Variants in BRSK2 observed in about 807,000 individuals in gnomAD.
BRSK2 encodes BR serine/threonine kinase 2, also known as serine/threonine-protein kinase BRSK2.
Under a neutral mutation model 83.3 loss-of-function variants are expected in BRSK2, and 19 were observed. The ratio of observed to expected loss-of-function variants is 0.23; its 90% CI spans 0.16 to 0.33. The LOEUF is 0.33. Ranked by LOEUF, BRSK2 falls within the 10% of genes least tolerant of loss-of-function variation. BRSK2 has a pLI of 1.00. For missense variants in BRSK2, 798 were observed against 1,042.3 expected (o/e 0.77, Z 3.23); for synonymous variants, 519 against 435.4 (o/e 1.19, Z -2.39).
intron 1 of BRSK2, among the ~76,000 whole-genome samples, chr11:1,399,328 G>A (rs1163452294): frequency 6.6e-6 from 1 of 152,096 alleles, no homozygotes. Flanking sequence ...TGCTCTTGCT[G>A]GGACTGAGCC....
At position 1,456,540 on chromosome 11, in the gene BRSK2, C is replaced by T. The variant is rs756009941; in HGVS notation, c.1849+12C>T. ...CACCCTGCTCTCAGGTGAGCTGGCG[C>T]CCCCAGGGCGGCTCCGGGCCCAGGC... On this transcript the variant is annotated intron_variant, in intron 17 of 19. Transcript: ENST00000528841. 5 of 1,590,922 alleles carry T rather than the reference C, an allele frequency of 3.1e-6. No individual in the cohort carries two copies. The highest frequency in any genetic ancestry group is 8.6e-7 in the Non-Finnish European group (1 of 1,168,948).
In BRSK2 at chr11:1,443,582, T is replaced by A. The variant is rs775335543; in HGVS notation, c.727T>A (p.Cys243Ser). The A allele has an allele frequency of 6.2e-7, 1 of 1,610,446 alleles. No individual in the cohort carries two copies. The highest frequency in any genetic ancestry group is 8.5e-7 in the Non-Finnish European group (1 of 1,178,822). Residue 243 changes from cysteine to serine, a missense_variant, in exon 8 of 20, where the codon TGC becomes AGC. Cys to Ser is a moderately radical substitution (Grantham distance 112). Coordinates refer to ENST00000528841, the MANE Select transcript of BRSK2 (RefSeq NM_001256627.2). The part of the protein sequence containing the change: ...FHMPHFIPPD[C>S]QSLLRGMIEV... ...CATGCCGCACTTTATCCCGCCCGAC[T>A]GCCAGAGTCTGCTACGGGGCATGAT... is the stretch of plus-strand genomic sequence containing the variant.
chr11:1,459,107 C>A, intron 18 of BRSK2, 85 bp from the exon 19 acceptor site: 1 of 1,383,484 alleles, frequency 7.2e-7, no homozygotes, highest in Non-Finnish European at 1.0e-6. Flanking sequence ...CACCCCCTCC[C>A]CATCGAGGCT....
chr11:1,407,146 C>T (rs115425103), intron 1 of BRSK2, among the ~76,000 whole-genome samples: 1,909 of 152,262 alleles, frequency 0.013, 41 homozygotes, highest in African/African-American at 0.044. Context: ...GAGGGAGCTG[C>T]AGGCCCTGGA....
rs1235480779 is a variant in BRSK2, at chr11:1,451,434, C to T, written c.1544+15C>T. On this transcript the variant is annotated intron_variant, in intron 15 of 19. Transcript: ENST00000528841. ...TCGTCCCCAGAGTAAGTGGCCCCTGCTGGAGGCCTCCTGGTACCTGACACC... is the reference window on the plus strand; with the variant it reads ...TCGTCCCCAGAGTAAGTGGCCCCTGTTGGAGGCCTCCTGGTACCTGACACC... 1 of 1,612,218 alleles carries T rather than the reference C, an allele frequency of 6.2e-7. No individual in the cohort carries two copies. Among genetic ancestry groups the T allele is most frequent in the East Asian group, 2.2e-5 (1 of 44,874 alleles).
chr11:1,408,861 C>T (rs1462929088), intron 1 of BRSK2, among the ~76,000 whole-genome samples: 1 of 144,134 alleles, frequency 6.9e-6, no homozygotes, highest in East Asian at 2.0e-4. Flanking sequence ...GTGTGCATAT[C>T]TGCCTGTACA....
In BRSK2 at chr11:1,443,619, C is replaced by T; in HGVS notation, c.764C>T (p.Ala255Val). Residue 255 changes from alanine (A) to valine (V), a missense_variant, in exon 8 of 20, where the codon GCC (alanine) becomes GTC (valine). By Grantham distance (64) the Ala-to-Val change is moderately conservative. Around this residue, in one of 6 missense-constraint regions of BRSK2, gnomAD observed 145 missense variants for 225.4 expected, o/e 0.64. Transcript: ENST00000528841. Reference protein sequence around the residue: ...SLLRGMIEVDAARRLTLEHIQ... With the variant: ...SLLRGMIEVDVARRLTLEHIQ... The stretch of plus-strand genomic sequence containing the variant: ...CTACGGGGCATGATCGAGGTGGACG[C>T]CGCACGCCGCCTCACGGTGCGTGCC... The T allele has an allele frequency of 2.5e-6, 4 of 1,601,944 alleles. No individual in the cohort carries two copies. Among genetic ancestry groups the T allele is most frequent in the Non-Finnish European group, 3.4e-6 (4 of 1,174,328 alleles).
At chr11:1,419,156 G>T (rs1214819322) in intron 1 of BRSK2, among the ~76,000 whole-genome samples, 1 of 146,268 alleles carries the variant, frequency 6.8e-6, no homozygotes, top group African/African-American at 2.5e-5. Flanking sequence ...GGCGGGGGGG[G>T]CCTTTGCTCA....
chr11:1,400,736 T>C, intron 1 of BRSK2, among the ~76,000 whole-genome samples: 1 of 152,156 alleles, frequency 6.6e-6, no homozygotes, highest in East Asian at 1.9e-4. Flanking sequence ...GGGCAGGTAG[T>C]GGAGGACCTG....
chr11:1,392,614 G>A (rs1226107158), intron 1 of BRSK2, among the ~76,000 whole-genome samples: 2 of 152,200 alleles, frequency 1.3e-5, no homozygotes, highest in South Asian at 4.1e-4. Flanking sequence ...CCTGCTGGAC[G>A]GTGGGCCAAA....
chr11:1,407,636 A>C (rs1846982993), intron 1 of BRSK2, among the ~76,000 whole-genome samples: 1 of 152,220 alleles, frequency 6.6e-6, no homozygotes, highest in Non-Finnish European at 1.5e-5. Context: ...CGCAGCCCCT[A>C]AACTAGGACA....
chr11:1,433,927 C>T (rs1849925487), intron 1 of BRSK2, among the ~76,000 whole-genome samples: 1 of 152,248 alleles, frequency 6.6e-6, no homozygotes. Context: ...GTCCTGGGTC[C>T]CCCACCCGGC....
At position 1,454,342 on chromosome 11, in the gene BRSK2, G is replaced by C. The variant is rs965518932; in HGVS notation, c.1545-143G>C. 3.0e-6 allele frequency: 3 copies of C among 986,180 alleles called. No individual in the cohort carries two copies. The highest frequency in any genetic ancestry group is 3.2e-4 in the Middle Eastern group (1 of 3,100). 61.1% of individuals were successfully genotyped at this position (986,180 alleles called of 1,614,324 possible). A position where few individuals can be genotyped will look rare whatever the true frequency, so the allele number is the denominator to read the frequency against. On this transcript the variant is annotated intron_variant, in intron 15 of 19. Coordinates refer to ENST00000528841, the MANE Select transcript of BRSK2 (RefSeq NM_001256627.2). The surrounding 1 kb of genome is among the most constrained non-coding windows in gnomAD (Gnocchi z 5.2). ...TTAGGGCGTTGGGGTCAGGGCCATG[G>C]GTTCTGGCTAGCACTGTGGAGACAG...
intron 12 of BRSK2, among the ~76,000 whole-genome samples, chr11:1,447,320 GGCCCCACC>G (rs1390496179): frequency 6.6e-6 from 1 of 152,218 alleles, no homozygotes; most frequent in Non-Finnish European, 1.5e-5. Flanking sequence ...CTGCAGGGCA[GGCCCCACC>G]ACCCCACTGC....
chr11:1,451,331 G>A (rs374876851), intron 14 of BRSK2, 40 bp from the exon 15 acceptor site: 216 of 1,611,352 alleles, frequency 1.3e-4, no homozygotes, highest in Middle Eastern at 4.9e-4. Flanking sequence ...AGGATGGAGC[G>A]GTCACCACGC....
At chr11:1,446,170 C>CTGGGCTGGGCTGGGCTAGTT (rs1036621555) in intron 12 of BRSK2, among the ~76,000 whole-genome samples, 5 of 142,926 alleles carry the variant, frequency 3.5e-5, no homozygotes, top group African/African-American at 1.4e-4. Flanking sequence ...CTGGGCTGGC[C>CTGGGCTGGGCTGGGCTAGTT]TGGGCTGGGC....
intron 1 of BRSK2, among the ~76,000 whole-genome samples, chr11:1,392,086 G>A (rs562302136): frequency 9.8e-5 from 15 of 152,354 alleles, no homozygotes; most frequent in African/African-American, 2.9e-4. Flanking sequence ...GCGTGTCACC[G>A]GGAGGGCCCT....
chr11:1,406,081 C>T (rs971822565), intron 1 of BRSK2, among the ~76,000 whole-genome samples: 1 of 152,086 alleles, frequency 6.6e-6, no homozygotes, highest in African/African-American at 2.4e-5. Flanking sequence ...CTGCCGAGGT[C>T]AGGGTGTCCC....
At chr11:1,442,315 C>T (rs1851452780) in intron 4 of BRSK2, 175 bp from the exon 5 acceptor site, 3 of 559,446 alleles carry the variant, frequency 5.4e-6, no homozygotes, top group African/African-American at 1.9e-5. Context: ...GCCAAACGGA[C>T]CAGGCAGGCG....
Sources: allele counts gnomAD v4.1 joint callset (sites outside exome capture counted in the v4.1 genomes callset), GRCh38; gene constraint gnomAD v4.1.1; regional missense constraint gnomAD v4.1.1; non-coding constraint Gnocchi (gnomAD v3.1); transcripts MANE v1.5; gene names NCBI Gene and HGNC (gene_info 2026-07-23, HGNC 2026-07-21).